The following PRMT3 variants were observed in gnomAD, a reference collection of about 807,000 sequenced individuals.
PRMT3 encodes the protein protein arginine N-methyltransferase 3.
A neutral mutation model predicts 71.9 loss-of-function variants in PRMT3; 62 were observed. The ratio of observed to expected loss-of-function variants is 0.86; its 90% confidence interval spans 0.70 to 1.07. The LOEUF (loss-of-function observed/expected upper bound fraction) is 1.07. Ranked by LOEUF, PRMT3 falls within the 50% of genes least tolerant of loss-of-function variation. The pLI is 0.00. For missense variants in PRMT3, 663 were observed against 643.0 expected (o/e 1.03, Z -0.34); for synonymous variants, 213 against 220.4 (o/e 0.97, Z 0.30).
At chr11:20,498,488 A>C (rs746332661) in intron 15 of PRMT3, among the ~76,000 whole-genome samples, 1 of 152,154 alleles carries the variant, frequency 6.6e-6, no homozygotes, top group Non-Finnish European at 1.5e-5. Flanking sequence ...TAGCACTTTG[A>C]GAGGCCGAGG....
intron 10 of PRMT3, among the ~76,000 whole-genome samples, chr11:20,445,265 C>T (rs1849999561): frequency 6.6e-6 from 1 of 151,576 alleles, no homozygotes; most frequent in African/African-American, 2.4e-5. Flanking sequence ...TTTTTGTTTT[C>T]TTTTTTAAAA....
chr11:20,499,467 A>AT (rs990927207), intron 15 of PRMT3, among the ~76,000 whole-genome samples: 10 of 152,242 alleles, frequency 6.6e-5, no homozygotes, highest in Admixed American at 2.6e-4. Flanking sequence ...AAGAAAAAAA[A>AT]TTTTTTTTAA....
intron 13 of PRMT3, among the ~76,000 whole-genome samples, chr11:20,485,444 TATGCTTACTA>T (rs1158686604): frequency 2.0e-5 from 3 of 152,190 alleles, no homozygotes; most frequent in Non-Finnish European, 4.4e-5. Flanking sequence ...TTTGAAAAAC[TATGCTTACTA>T]AATTCAAAGA....
chr11:20,492,134 A>G (rs566358490), intron 13 of PRMT3, among the ~76,000 whole-genome samples: 1 of 152,340 alleles, frequency 6.6e-6, no homozygotes, highest in East Asian at 1.9e-4. Flanking sequence ...ACTGTAATAT[A>G]CTATCGTAAC....
rs77879719 is a variant in PRMT3, at chr11:20,421,573, A to T, written c.894-5193A>T. ...TCTGCAATCACTTATGCAAAGAATAAGTCTCCAAAAACCCTTAATGACCAC... is the reference window on the plus strand; with the variant it reads ...TCTGCAATCACTTATGCAAAGAATATGTCTCCAAAAACCCTTAATGACCAC... On this transcript the variant is annotated intron_variant, in intron 9 of 15. Transcript: ENST00000331079. 3.7e-3 allele frequency among the ~76,000 whole-genome samples: 559 copies of T among 152,304 alleles called. 5 individuals carry two copies. The highest frequency in any genetic ancestry group is 0.013 in the African/African-American group (535 of 41,556).
intron 11 of PRMT3, among the ~76,000 whole-genome samples, chr11:20,455,729 A>G (rs1343342924): frequency 1.3e-5 from 2 of 151,164 alleles, no homozygotes; most frequent in Non-Finnish European, 2.9e-5. Flanking sequence ...AATTAAAACA[A>G]TATATTATTG....
chr11:20,420,130 C>T (rs563260732), intron 9 of PRMT3, among the ~76,000 whole-genome samples: 1 of 152,232 alleles, frequency 6.6e-6, no homozygotes, highest in African/African-American at 2.4e-5. Context: ...TGAGATCGTG[C>T]CACAGCACTC....
intron 10 of PRMT3, among the ~76,000 whole-genome samples, chr11:20,433,828 C>T (rs751570310): frequency 1.7e-4 from 26 of 152,112 alleles, no homozygotes; most frequent in Non-Finnish European, 3.4e-4. Flanking sequence ...CCATGTTGGC[C>T]AGGCTGGTCT....
chr11:20,419,525 G>A (rs941996526), intron 9 of PRMT3, among the ~76,000 whole-genome samples: 1 of 152,162 alleles, frequency 6.6e-6, no homozygotes. Flanking sequence ...CTTATTTATA[G>A]TTGCCACTGT....
intron 9 of PRMT3, among the ~76,000 whole-genome samples, chr11:20,415,458 T>A (rs893383083): frequency 1.3e-5 from 2 of 151,984 alleles, no homozygotes; most frequent in African/African-American, 4.8e-5. Context: ...CAGAAAAGGG[T>A]ATAGTGCAGA....
intron 9 of PRMT3, among the ~76,000 whole-genome samples, chr11:20,408,958 A>G (rs532127555): frequency 2.0e-5 from 3 of 152,224 alleles, no homozygotes; most frequent in South Asian, 2.1e-4. Context: ...TTAGCCAGGC[A>G]TGGTGGTGCA....
In PRMT3 at chr11:20,493,918, G is replaced by A. The variant is rs1422840746; in HGVS notation, c.1348-1G>A. 1 of 1,574,684 alleles carries A rather than the reference G, an allele frequency of 6.4e-7. No individual in the cohort carries two copies. The highest frequency in any genetic ancestry group is 1.7e-5 in the Admixed American group (1 of 57,316). ...TTTATATTTCTTTTTTTAAAAAACA[G>A]GCAATTGCTGGCTACTTTGATATAT... is the stretch of plus-strand genomic sequence containing the variant. On this transcript the variant is annotated splice_acceptor_variant, in intron 13 of 15. Coordinates refer to ENST00000331079, the MANE Select transcript of PRMT3 (RefSeq NM_005788.4). LOFTEE classifies it high-confidence loss of function.
intron 2 of PRMT3, 82 bp downstream of exon 2, chr11:20,388,236 G>A (rs1332360627): frequency 8.8e-6 from 14 of 1,587,846 alleles, no homozygotes; most frequent in Non-Finnish European, 1.2e-5. Flanking sequence ...CCTTCGGGCG[G>A]GAGGCAAGCC....
chr11:20,473,993 A>C (rs1357670275), intron 13 of PRMT3, among the ~76,000 whole-genome samples: 2 of 152,150 alleles, frequency 1.3e-5, no homozygotes, highest in African/African-American at 4.8e-5. Context: ...TCCCATACCA[A>C]GTGTCATACA....
intron 15 of PRMT3, among the ~76,000 whole-genome samples, chr11:20,496,827 A>C (rs893778981): frequency 6.6e-6 from 1 of 152,172 alleles, no homozygotes; most frequent in South Asian, 2.1e-4. Flanking sequence ...TAATAGATGC[A>C]AGTAAATACC....
At chr11:20,404,245 T>G (rs1192329583) in intron 8 of PRMT3, among the ~76,000 whole-genome samples, 8 of 48,906 alleles carry the variant, frequency 1.6e-4, no homozygotes, top group South Asian at 8.8e-4. Flanking sequence ...TTTTTTTTTT[T>G]TTTTTTTGAG....
At chr11:20,403,551 C>T (rs1215439126) in intron 8 of PRMT3, among the ~76,000 whole-genome samples, 1 of 151,938 alleles carries the variant, frequency 6.6e-6, no homozygotes, top group African/African-American at 2.4e-5. Flanking sequence ...TGTGCATGTG[C>T]CTGTGTGTTA....
At chr11:20,457,969 C>T (rs569696601) in intron 11 of PRMT3, among the ~76,000 whole-genome samples, 1 of 152,226 alleles carries the variant, frequency 6.6e-6, no homozygotes, top group South Asian at 2.1e-4. Context: ...TGGGTCTTGT[C>T]ATTATTTATA....
chr11:20,436,515 A>C (rs1055955294), intron 10 of PRMT3, among the ~76,000 whole-genome samples: 1 of 152,150 alleles, frequency 6.6e-6, no homozygotes, highest in Non-Finnish European at 1.5e-5. Context: ...GAATTTTATC[A>C]GATGCTTCTC....
Sources: allele counts gnomAD v4.1 joint callset (sites outside exome capture counted in the v4.1 genomes callset), GRCh38; gene constraint gnomAD v4.1.1; transcripts MANE v1.5; gene names NCBI Gene and HGNC (gene_info 2026-07-23, HGNC 2026-07-21).